The following CNTN5 variants were observed in gnomAD, a reference collection of about 807,000 sequenced individuals.
CNTN5 encodes contactin 5, also known as contactin-5.
A neutral mutation model predicts 129.1 loss-of-function variants in CNTN5; 77 were observed. That is an observed-to-expected ratio of 0.60 (90% CI 0.50 to 0.72). The LOEUF (loss-of-function observed/expected upper bound fraction) is 0.72, where lower values mean the gene tolerates loss of function less well. Among genes scored for constraint, CNTN5 ranks in the 30% least tolerant of loss-of-function variants. The probability of loss-of-function intolerance (pLI) is 0.00; values close to 1 mark genes in which losing one functional copy is unlikely to be tolerated. For synonymous variants in CNTN5, 509 were observed against 465.6 expected (o/e 1.09, Z -1.20); for missense variants, 1,478 against 1,328.8 (o/e 1.11, Z -1.75).
chr11:99,918,601 A>G lies in CNTN5; in HGVS notation c.673+2452A>G, dbSNP rs1017254786. 9.2e-5 allele frequency among the ~76,000 whole-genome samples: 14 copies of G among 152,150 alleles called. No individual in the cohort carries two copies. In the South Asian group the frequency reaches 1.7e-3, roughly 18 times the overall value. On this transcript the variant is annotated intron_variant, in intron 7 of 24. Transcript: ENST00000524871. ...GCTCTCATCACCAAGTCACACACCA[A>G]TTAGCATTTGTAGCCATACACTCTG...
chr11:99,713,648 C>A (rs1278262382), intron 3 of CNTN5, among the ~76,000 whole-genome samples: 2 of 151,894 alleles, frequency 1.3e-5, no homozygotes, highest in African/African-American at 4.8e-5. Flanking sequence ...ACCCAATGTG[C>A]TGTTAACTAT....
intron 7 of CNTN5, among the ~76,000 whole-genome samples, chr11:99,930,713 AC>A (rs2136073874): frequency 6.6e-6 from 1 of 152,232 alleles, no homozygotes; most frequent in African/African-American, 2.4e-5. Context: ...GATTGACTTA[AC>A]TAAATTGTTG....
chr11:99,566,262 C>T (rs1233649035), intron 3 of CNTN5, among the ~76,000 whole-genome samples: 1 of 152,082 alleles, frequency 6.6e-6, no homozygotes, highest in Non-Finnish European at 1.5e-5. Context: ...TGCTCTCACC[C>T]TGTGATACAC....
Position 99,844,950 on chromosome 11 carries a change from C to G in CNTN5, c.376C>G (p.Arg126Gly), listed in dbSNP as rs137976542. 251 of 1,613,438 alleles carry G rather than the reference C, an allele frequency of 1.6e-4. No individual in the cohort carries two copies. The African/African-American group carries it at 2.9e-3, about 19-fold the overall frequency. Residue 126 changes from arginine (R) to glycine (G), a missense_variant, in exon 5 of 25, where the codon CGT becomes GGT. Coordinates refer to ENST00000524871, the MANE Select transcript of CNTN5 (RefSeq NM_014361.4). ...GAAGGTAGCATTGAATTGTGAAGTT[C>G]GTGGCAATCCAGTTCCCAGTTACAG... ...EKKVALNCEVRGNPVPSYRWL... is the reference protein window; with the variant it reads ...EKKVALNCEVGGNPVPSYRWL...
At chr11:100,111,650 A>G (rs2138118111) in intron 13 of CNTN5, among the ~76,000 whole-genome samples, 1 of 152,324 alleles carries the variant, frequency 6.6e-6, no homozygotes, top group East Asian at 1.9e-4. Flanking sequence ...TGATAAGAAC[A>G]CTTAATATGC....
At chr11:99,667,244 CTT>C (rs1458509671) in intron 3 of CNTN5, among the ~76,000 whole-genome samples, 1 of 151,930 alleles carries the variant, frequency 6.6e-6, no homozygotes, top group Non-Finnish European at 1.5e-5. Flanking sequence ...GTGTACCTCT[CTT>C]TTCTCTGTAA....
At chr11:99,617,203 T>A (rs553606111) in intron 3 of CNTN5, among the ~76,000 whole-genome samples, 1 of 152,208 alleles carries the variant, frequency 6.6e-6, no homozygotes, top group Admixed American at 6.5e-5. Flanking sequence ...TTTTAAGATA[T>A]GCTAACTAGT....
chr11:99,693,538 G>C (rs1429145287), intron 3 of CNTN5, among the ~76,000 whole-genome samples: 1 of 151,872 alleles, frequency 6.6e-6, no homozygotes. Context: ...GGGCACACAG[G>C]CCCAGTGGAC....
chr11:99,702,522 T>C (rs774986473), intron 3 of CNTN5, among the ~76,000 whole-genome samples: 4 of 150,986 alleles, frequency 2.6e-5, no homozygotes, highest in Non-Finnish European at 5.9e-5. Flanking sequence ...ATTATTATCA[T>C]AATCAGTTTT....
chr11:100,205,646 T>G (rs1948896900), intron 15 of CNTN5, among the ~76,000 whole-genome samples: 1 of 152,000 alleles, frequency 6.6e-6, no homozygotes. Flanking sequence ...TCAACCAATG[T>G]GGATAGAAAA....
intron 8 of CNTN5, among the ~76,000 whole-genome samples, chr11:99,964,483 C>G (rs1951039623): frequency 6.6e-6 from 1 of 152,122 alleles, no homozygotes; most frequent in Non-Finnish European, 1.5e-5. Context: ...TATATTGAAC[C>G]AGCCTTGCAT....
At chr11:99,998,930 T>A (rs1214224426) in intron 8 of CNTN5, among the ~76,000 whole-genome samples, 1 of 151,074 alleles carries the variant, frequency 6.6e-6, no homozygotes, top group Non-Finnish European at 1.5e-5. Flanking sequence ...TAATAAATGG[T>A]GCTGGGAAAA....
chr11:99,785,172 T>A (rs1490106482), intron 3 of CNTN5, among the ~76,000 whole-genome samples: 3 of 152,164 alleles, frequency 2.0e-5, no homozygotes, highest in Non-Finnish European at 4.4e-5. Flanking sequence ...ATTAGCTTTG[T>A]TTCATATGTT....
chr11:99,942,185 T>C (rs1040177973), intron 7 of CNTN5, among the ~76,000 whole-genome samples: 4 of 152,062 alleles, frequency 2.6e-5, no homozygotes, highest in African/African-American at 9.7e-5. Context: ...TTTTCACCTG[T>C]ATGCCACGTT....
At chr11:100,048,093 T>G (rs1942782983) in intron 9 of CNTN5, among the ~76,000 whole-genome samples, 1 of 152,132 alleles carries the variant, frequency 6.6e-6, no homozygotes, top group Non-Finnish European at 1.5e-5. Context: ...ATCGCGCCAC[T>G]GTACTCCAGC....
At chr11:99,519,707 C>G (rs1355371325) in intron 2 of CNTN5, among the ~76,000 whole-genome samples, 2 of 151,964 alleles carry the variant, frequency 1.3e-5, no homozygotes, top group African/African-American at 4.8e-5. Context: ...GCTAGTTTAA[C>G]TGCATAAAAA....
intron 6 of CNTN5, among the ~76,000 whole-genome samples, chr11:99,867,151 C>A (rs1458448257): frequency 6.6e-6 from 1 of 152,158 alleles, no homozygotes; most frequent in Non-Finnish European, 1.5e-5. Flanking sequence ...AAAGAAAGAG[C>A]AATAAACATG....
At chr11:99,669,441 G>GGTGTGTGTGT (rs767426378) in intron 3 of CNTN5, among the ~76,000 whole-genome samples, 2 of 105,926 alleles carry the variant, frequency 1.9e-5, no homozygotes, top group African/African-American at 6.8e-5. Context: ...TATTAAATAT[G>GGTGTGTGTGT]GTGTGTGTGT....
intron 16 of CNTN5, among the ~76,000 whole-genome samples, chr11:100,240,509 G>GCCTAAGTTA: frequency 6.6e-6 from 1 of 152,178 alleles, no homozygotes; most frequent in Admixed American, 6.5e-5. Context: ...ATCAGTCATT[G>GCCTAAGTTA]CCTAAGTTAA....
Sources: allele counts gnomAD v4.1 joint callset (sites outside exome capture counted in the v4.1 genomes callset), GRCh38; gene constraint gnomAD v4.1.1; transcripts MANE v1.5; gene names NCBI Gene and HGNC (gene_info 2026-07-23, HGNC 2026-07-21).